KAT6B: variants seen among roughly 807,000 people sequenced by gnomAD.
The protein encoded by KAT6B is lysine acetyltransferase 6B, also known as histone acetyltransferase KAT6B.
A neutral mutation model predicts 187.5 loss-of-function variants in KAT6B; 10 were observed. That is an observed-to-expected ratio of 0.05 (90% CI 0.03 to 0.09). The LOEUF (loss-of-function observed/expected upper bound fraction) is 0.09, where lower values mean the gene tolerates loss of function less well. Among genes scored for constraint, KAT6B ranks in the 10% least tolerant of loss-of-function variants. The pLI, the probability that KAT6B is intolerant of heterozygous loss-of-function variation, is 1.00. For synonymous variants in KAT6B, 861 were observed against 926.8 expected (o/e 0.93, Z 1.29); for missense variants, 1,952 against 2,558.9 (o/e 0.76, Z 5.12).
chr10:74,895,361 A>ATATTATTAT (rs10693929), intron 3 of KAT6B, among the ~76,000 whole-genome samples: 3,109 of 149,488 alleles, frequency 0.021, 86 homozygotes, highest in African/African-American at 0.062. Flanking sequence ...CCCTTTAATC[A>ATATTATTAT]TATTATTATT....
At chr10:74,890,777 C>G (rs1845594805) in intron 3 of KAT6B, among the ~76,000 whole-genome samples, 1 of 152,022 alleles carries the variant, frequency 6.6e-6, no homozygotes, top group Non-Finnish European at 1.5e-5. Context: ...TTTGTACCAT[C>G]ATTGGTTTGA....
intron 4 of KAT6B, among the ~76,000 whole-genome samples, chr10:74,965,983 C>T (rs1172069046): frequency 6.6e-6 from 1 of 152,002 alleles, no homozygotes; most frequent in Non-Finnish European, 1.5e-5. Flanking sequence ...GATCCACCCG[C>T]CTTGGCCTCC....
At chr10:74,953,477 A>G (rs1840459020) in intron 3 of KAT6B, among the ~76,000 whole-genome samples, 1 of 152,220 alleles carries the variant, frequency 6.6e-6, no homozygotes, top group Non-Finnish European at 1.5e-5. Flanking sequence ...GCACTTTTAC[A>G]GATGAGGAAA....
intron 3 of KAT6B, among the ~76,000 whole-genome samples, chr10:74,846,832 A>C (rs1842139593): frequency 6.6e-6 from 1 of 152,248 alleles, no homozygotes; most frequent in African/African-American, 2.4e-5. Context: ...CTTTGTTTTT[A>C]AAAATATGTA....
intron 3 of KAT6B, among the ~76,000 whole-genome samples, chr10:74,916,785 A>G (rs1333156635): frequency 6.6e-6 from 1 of 152,166 alleles, no homozygotes; most frequent in Non-Finnish European, 1.5e-5. Context: ...TATTTACCTT[A>G]TATATCTGGG....
intron 1 of KAT6B, among the ~76,000 whole-genome samples, chr10:74,837,234 A>G (rs1330662024): frequency 6.6e-6 from 1 of 152,248 alleles, no homozygotes; most frequent in African/African-American, 2.4e-5. Context: ...AATATTTGTA[A>G]TGAATGATGT....
chr10:74,935,409 G>T (rs1292023291), intron 3 of KAT6B, among the ~76,000 whole-genome samples: 2 of 150,378 alleles, frequency 1.3e-5, no homozygotes, highest in African/African-American at 4.9e-5. Context: ...TTGAGACAGA[G>T]TCTCGCTATG....
In KAT6B at chr10:74,979,226, A is replaced by T; in HGVS notation, c.2118A>T (p.Lys706Asn). The change falls in exon 10 of 18, where the codon AAA becomes AAT. Residue 706 changes from lysine (K) to asparagine (N), a missense_variant and splice_region_variant. Lys to Asn is a moderately conservative substitution (Grantham distance 94, BLOSUM62 0). Transcript: ENST00000287239. ...FKQAQELSWE[K>N]IECESGVEDC... The stretch of plus-strand genomic sequence containing the variant: ...TTCCTTTTCTTTCTATTTGACAGAA[A>T]ATAGAGTGTGAGAGTGGGGTGGAAG... 1 of 1,607,122 alleles carries T rather than the reference A, an allele frequency of 6.2e-7. No homozygotes were observed. The highest frequency in any genetic ancestry group is 1.1e-5 in the South Asian group (1 of 90,916).
At chr10:74,868,034 A>G (rs1433434381) in intron 3 of KAT6B, among the ~76,000 whole-genome samples, 1 of 152,234 alleles carries the variant, frequency 6.6e-6, no homozygotes, top group Non-Finnish European at 1.5e-5. Context: ...ACACTTTCAT[A>G]ATATTTGGTG....
At chr10:75,006,046 A>G (rs914358396) in intron 13 of KAT6B, among the ~76,000 whole-genome samples, 4 of 152,196 alleles carry the variant, frequency 2.6e-5, no homozygotes, top group African/African-American at 9.7e-5. Flanking sequence ...AAATTTGCAT[A>G]TGTCCTTTTT....
chr10:74,987,306 C>T (rs945193627), intron 12 of KAT6B, among the ~76,000 whole-genome samples: 1 of 151,946 alleles, frequency 6.6e-6, no homozygotes, highest in Non-Finnish European at 1.5e-5. Context: ...CATTGTGGCA[C>T]CCTGTAATCC....
chr10:75,014,498 A>G (rs559697697), intron 13 of KAT6B, among the ~76,000 whole-genome samples: 1 of 152,270 alleles, frequency 6.6e-6, no homozygotes, highest in East Asian at 1.9e-4. Context: ...TAATGGGTTT[A>G]TCGTTATCTT....
At chr10:75,024,488 A>G (rs989399638) in intron 16 of KAT6B, among the ~76,000 whole-genome samples, 2 of 152,210 alleles carry the variant, frequency 1.3e-5, no homozygotes, top group South Asian at 2.1e-4. Flanking sequence ...GTCTTGTATC[A>G]TATTTCCCAG....
At chr10:74,885,824 C>T (rs548847274) in intron 3 of KAT6B, among the ~76,000 whole-genome samples, 29 of 151,876 alleles carry the variant, frequency 1.9e-4, no homozygotes, top group African/African-American at 6.3e-4. Flanking sequence ...CTCTGCCTCC[C>T]AGGTTCAAGC....
At chr10:74,901,044 C>G (rs1190134360) in intron 3 of KAT6B, among the ~76,000 whole-genome samples, 3 of 151,980 alleles carry the variant, frequency 2.0e-5, no homozygotes, top group Non-Finnish European at 2.9e-5. Context: ...ATCTTTTACA[C>G]TTAAAATATC....
chr10:74,890,269 T>A (rs1175408856), intron 3 of KAT6B, among the ~76,000 whole-genome samples: 1 of 152,080 alleles, frequency 6.6e-6, no homozygotes, highest in Non-Finnish European at 1.5e-5. Flanking sequence ...ACTCCTGACC[T>A]CAAGTGATCT....
intron 3 of KAT6B, among the ~76,000 whole-genome samples, chr10:74,957,842 A>G (rs1002230572): frequency 6.6e-6 from 1 of 152,224 alleles, no homozygotes; most frequent in East Asian, 1.9e-4. Flanking sequence ...AGTAATAACT[A>G]TGGATCCATA....
chr10:74,957,943 T>C (rs1346189687), intron 3 of KAT6B, among the ~76,000 whole-genome samples: 3 of 152,232 alleles, frequency 2.0e-5, no homozygotes, highest in Non-Finnish European at 4.4e-5. Context: ...GTTTTTCTAG[T>C]ACAGAATGTT....
chr10:74,956,699 A>G (rs1451809809), intron 3 of KAT6B, among the ~76,000 whole-genome samples: 2 of 152,234 alleles, frequency 1.3e-5, no homozygotes, highest in African/African-American at 2.4e-5. Context: ...CTTTTCTAAA[A>G]TAGAGATAAT....
Sources: gnomAD v4.1 joint callset for allele counts (sites outside exome capture counted in the v4.1 genomes callset) on GRCh38, gnomAD v4.1.1 for gene constraint, MANE v1.5 for transcripts, NCBI Gene and HGNC (gene_info 2026-07-23, HGNC 2026-07-21) for gene names.